The following TEPSIN variants were observed in gnomAD, a reference collection of about 807,000 sequenced individuals.
TEPSIN encodes AP-4 complex accessory subunit tepsin.
In TEPSIN, 50 loss-of-function variants were observed where a neutral mutation model predicts 48.5. That is an observed-to-expected ratio of 1.03 (90% CI 0.82 to 1.31). The LOEUF is 1.31. TEPSIN is among the 50% of genes most tolerant of loss of function. The pLI, the probability that TEPSIN is intolerant of heterozygous loss-of-function variation, is 0.00. For missense variants in TEPSIN, 838 were observed against 815.9 expected, an observed-to-expected ratio of 1.03 and a Z score of -0.33; for synonymous variants, 392 against 358.8, an observed-to-expected ratio of 1.09 and a Z score of -1.05.
Position 81,234,322 on chromosome 17 carries a change from G to A in TEPSIN, c.308-274C>T. ...GTCGGCAACCCCTGGTGCCTGAGCG[G>A]GTGTGGCCTCCCCGAAGCCCACTCT... is the stretch of plus-strand genomic sequence containing the variant. On this transcript the variant is annotated intron_variant, in intron 4 of 12. Coordinates refer to ENST00000637944, the MANE Select transcript of TEPSIN (RefSeq NM_001363764.2). This position sits in a 1 kb window ranked among gnomAD's most constrained non-coding sequence, Gnocchi z 5.4. 1 of 347,856 alleles carries A rather than the reference G, an allele frequency of 2.9e-6. No individual in the cohort carries two copies. Among genetic ancestry groups the A allele is most frequent in the Non-Finnish European group, 5.2e-6 (1 of 193,130 alleles). The allele number at this position is 347,856 out of a possible 1,614,324, so 21.5% of individuals were successfully genotyped here. A position where few individuals can be genotyped will look rare whatever the true frequency, so the allele number is the denominator to read the frequency against.
rs553167923 is a variant in TEPSIN at position 81,232,261 on chromosome 17, G to A, written c.730+54C>T. 3.7e-4 allele frequency: 545 copies of A among 1,461,030 alleles called. 2 individuals carry two copies. In the African/African-American group the frequency reaches 6.6e-3, roughly 18 times the overall value. The allele number at this position is 1,461,030 out of a possible 1,614,324, so 90.5% of individuals were successfully genotyped here. Reference sequence around the variant, plus strand: ...GCCTCCGTGGCCGCAAAGCCCCAGCGGTGACAGGAAGGAGTGACCCAGACC... The same window carrying A: ...GCCTCCGTGGCCGCAAAGCCCCAGCAGTGACAGGAAGGAGTGACCCAGACC... On this transcript the variant is annotated intron_variant, in intron 8 of 12. Transcript: ENST00000637944.
intron 1 of TEPSIN, 178 bp downstream of exon 1, chr17:81,238,808 G>GCCCGGCTTGGAAGT: frequency 1.5e-6 from 2 of 1,329,318 alleles, no homozygotes; most frequent in Non-Finnish European, 1.9e-6. Flanking sequence ...GGCTTGGAAG[G>GCCCGGCTTGGAAGT]CCCCGGGACG....
Position 81,233,502 on chromosome 17 carries a change from G to T in TEPSIN, c.456C>A (p.Gly152=). The T allele has an allele frequency of 6.3e-7, 1 of 1,598,410 alleles. No homozygotes were observed. Among genetic ancestry groups the T allele is most frequent in the Non-Finnish European group, 8.5e-7 (1 of 1,171,706 alleles). Residue 152 remains glycine (G), a splice_region_variant and synonymous_variant, in exon 7 of 13, where the codon GGC becomes GGA. Coordinates refer to ENST00000637944, the MANE Select transcript of TEPSIN (RefSeq NM_001363764.2). The surrounding 1 kb of genome is among the most constrained non-coding windows in gnomAD (Gnocchi z 5.8). The part of the protein sequence containing the change: ...SQPLGTPPAT[G]MGSQARPHST... ...TGTGCGGCCTGGCCTGGGAGCCCAT[G>T]CCTGCAGAGGGTCCTCCGTTAGCAG... is the stretch of plus-strand genomic sequence containing the variant.
rs751228027 is a variant in TEPSIN at position 81,233,479 on chromosome 17, T to C, written c.479A>G (p.His160Arg). The change falls in exon 7 of 13, where the codon CAC (histidine) becomes CGC (arginine). Residue 160 changes from histidine to arginine, a missense_variant. Coordinates refer to ENST00000637944, the MANE Select transcript of TEPSIN (RefSeq NM_001363764.2). The surrounding 1 kb of genome is among the most constrained non-coding windows in gnomAD (Gnocchi z 5.8). ...GTAGCCGAAACCCTGGAGGGTGCTG[T>C]GCGGCCTGGCCTGGGAGCCCATGCC... ...ATGMGSQARPHSTLQGFGYSK... is the reference protein window; with the variant it reads ...ATGMGSQARPRSTLQGFGYSK... The C allele has an allele frequency of 9.9e-6, 16 of 1,608,114 alleles. No individual in the cohort carries two copies. In the African/African-American group the frequency reaches 2.1e-4, roughly 22 times the overall value.
Position 81,237,391 on chromosome 17 carries a change from A to C in TEPSIN, c.117T>G (p.Ile39Met). The C allele has an allele frequency of 6.2e-7, 1 of 1,611,410 alleles. No homozygotes were observed. The highest frequency in any genetic ancestry group is 8.5e-7 in the Non-Finnish European group (1 of 1,179,206). ...GGGGACATCAAGGAAGGATACTAGC[A>C]ATCTCTTCAAACAGGTAGCCCGGAC... ...VPCPGYLFEE[I>M]AKISHESPGS... The change falls in exon 2 of 13, where the codon ATT becomes ATG. Residue 39 changes from isoleucine to methionine, a missense_variant. Transcript: ENST00000637944.
intron 11 of TEPSIN, chr17:81,231,195 G>T (rs142431294): frequency 3.3e-6 from 2 of 600,554 alleles, no homozygotes; most frequent in Non-Finnish European, 5.8e-6. Flanking sequence ...ACACATGCAC[G>T]AGTGTGTACA....
At position 81,231,833 on chromosome 17, in the gene TEPSIN, C is replaced by T; in HGVS notation, c.905+14G>A. 1 of 1,611,858 alleles carries T rather than the reference C, an allele frequency of 6.2e-7. No homozygotes were observed. Among genetic ancestry groups the T allele is most frequent in the Non-Finnish European group, 8.5e-7 (1 of 1,179,498 alleles). On this transcript the variant is annotated intron_variant, in intron 9 of 12. Coordinates refer to ENST00000637944, the MANE Select transcript of TEPSIN (RefSeq NM_001363764.2). Reference sequence around the variant, plus strand: ...TCCGAGACCTCTCCCACATATCTGGCAGCTCCCGCTCACCTTTCTGCCAGG... The same window carrying T: ...TCCGAGACCTCTCCCACATATCTGGTAGCTCCCGCTCACCTTTCTGCCAGG...
At position 81,230,618 on chromosome 17, in the gene TEPSIN, GGAT is replaced by G. The variant is rs1567901075; in HGVS notation, c.1156_1158del (p.Ile386del). On this transcript the variant is annotated inframe_deletion, in exon 12 of 13. Transcript: ENST00000637944. This position sits in a 1 kb window ranked among gnomAD's most constrained non-coding sequence, Gnocchi z 4.2. ...TGCAGCCACGGCCGGGTGCGGAGGA[GGAT>G]GTGCTCCTGGGGGAGGAGGTCGCTG... is the stretch of plus-strand genomic sequence containing the variant. The G allele has an allele frequency of 6.2e-7, 1 of 1,605,542 alleles. No homozygotes were observed. Among genetic ancestry groups the G allele is most frequent in the Non-Finnish European group, 8.5e-7 (1 of 1,175,816 alleles).
chr17:81,238,124 G>T, intron 1 of TEPSIN: 1 of 985,756 alleles, frequency 1.0e-6, no homozygotes, highest in Non-Finnish European at 1.2e-6. Context: ...CCCACCGCGT[G>T]AGGTGCCGAA....
Position 81,233,381 on chromosome 17 carries a change from T to A in TEPSIN, c.526+51A>T, listed in dbSNP as rs1234585502. 1 of 1,593,224 alleles carries A rather than the reference T, an allele frequency of 6.3e-7. No homozygotes were observed. Among genetic ancestry groups the A allele is most frequent in the Middle Eastern group, 2.3e-4 (1 of 4,390 alleles). On this transcript the variant is annotated intron_variant, in intron 7 of 12. Coordinates refer to ENST00000637944, the MANE Select transcript of TEPSIN (RefSeq NM_001363764.2). This position sits in a 1 kb window ranked among gnomAD's most constrained non-coding sequence, Gnocchi z 5.8. The stretch of plus-strand genomic sequence containing the variant: ...GCATGGTCCGGCCCCCACCACCTCC[T>A]CATCCCCACACCCTGAGATGCCAGA...
chr17:81,233,526 A>G lies in TEPSIN; in HGVS notation c.455-23T>C, dbSNP rs116621360. The G allele has an allele frequency of 3.2e-3, 5,046 of 1,576,758 alleles. 160 individuals carry two copies. In the African/African-American group the frequency reaches 0.061, roughly 19 times the overall value. On this transcript the variant is annotated intron_variant, in intron 6 of 12. Coordinates refer to ENST00000637944, the MANE Select transcript of TEPSIN (RefSeq NM_001363764.2). This position sits in a 1 kb window ranked among gnomAD's most constrained non-coding sequence, Gnocchi z 5.8. ...TGCCTGCAGAGGGTCCTCCGTTAGC[A>G]GCAAGCCGGCCCCCACCCTCGGCCC...
chr17:81,237,247 G>T, intron 2 of TEPSIN, 140 bp downstream of exon 2: 1 of 1,227,078 alleles, frequency 8.1e-7, no homozygotes, highest in Non-Finnish European at 1.2e-6. Context: ...GCAGCCTTCA[G>T]ACCCCACCCA....
chr17:81,236,740 T>C lies in TEPSIN; in HGVS notation c.275A>G (p.Lys92Arg). Reference sequence around the variant, plus strand: ...TTCCTGGATGAAGGCAGAGTTGCGTTTGAGGATGAGCAGGAAGAAGGAGGA... The same window carrying C: ...TTCCTGGATGAAGGCAGAGTTGCGTCTGAGGATGAGCAGGAAGAAGGAGGA... ...HGSSFFLLIL[K>R]RNSAFIQEAA... Residue 92 changes from lysine (K) to arginine (R), a missense_variant, in exon 4 of 13, where the codon AAA (lysine) becomes AGA (arginine). Lys to Arg is a conservative substitution (Grantham distance 26). Transcript: ENST00000637944. The C allele has an allele frequency of 6.4e-7, 1 of 1,573,002 alleles. No individual in the cohort carries two copies. The highest frequency in any genetic ancestry group is 8.6e-7 in the Non-Finnish European group (1 of 1,159,816).
Position 81,233,468 on chromosome 17 carries a change from G to C in TEPSIN, c.490C>G (p.Gln164Glu), listed in dbSNP as rs776532605. 1 of 1,610,404 alleles carries C rather than the reference G, an allele frequency of 6.2e-7. No homozygotes were observed. The highest frequency in any genetic ancestry group is 8.5e-7 in the Non-Finnish European group (1 of 1,178,766). Residue 164 changes from glutamine to glutamate, a missense_variant, in exon 7 of 13, where the codon CAG becomes GAG. Gln to Glu is a conservative substitution (Grantham distance 29). Transcript: ENST00000637944. This position sits in a 1 kb window ranked among gnomAD's most constrained non-coding sequence, Gnocchi z 5.8. ...GSQARPHSTLQGFGYSKEHGR... is the reference protein window; with the variant it reads ...GSQARPHSTLEGFGYSKEHGR... ...TGTTCCTTGCTGTAGCCGAAACCCTGGAGGGTGCTGTGCGGCCTGGCCTGG... is the reference window on the plus strand; with the variant it reads ...TGTTCCTTGCTGTAGCCGAAACCCTCGAGGGTGCTGTGCGGCCTGGCCTGG...
In TEPSIN at chr17:81,236,514, C is replaced by T; in HGVS notation, c.307+194G>A. ...GGCGCGTCAGGGGAGGCCGAGCCGG[C>T]CAGCTGGGGTGAGGGTGGGCAGCAG... On this transcript the variant is annotated intron_variant, in intron 4 of 12. Transcript: ENST00000637944. 4.6e-6 allele frequency: 3 copies of T among 650,384 alleles called. No homozygotes were observed. In the Admixed American group the frequency reaches 8.4e-5, roughly 18 times the overall value. The allele number at this position is 650,384 out of a possible 1,614,324, so 40.3% of individuals were successfully genotyped here. A position where few individuals can be genotyped will look rare whatever the true frequency, so the allele number is the denominator to read the frequency against.
Position 81,233,599 on chromosome 17 carries a change from C to G in TEPSIN, c.454+39G>C. 6.3e-7 allele frequency: 1 copy of G among 1,576,100 alleles called. No individual in the cohort carries two copies. The highest frequency in any genetic ancestry group is 8.6e-7 in the Non-Finnish European group (1 of 1,160,318). ...CCAGGACACTCAAGGAGGCAGAAAC[C>G]AGGTGCCAGAGCTGGACACGGTCCC... is the stretch of plus-strand genomic sequence containing the variant. On this transcript the variant is annotated intron_variant, in intron 6 of 12. Transcript: ENST00000637944. This position sits in a 1 kb window ranked among gnomAD's most constrained non-coding sequence, Gnocchi z 5.8.
At chr17:81,231,542 G>A (rs1406820555) in intron 10 of TEPSIN, 36 bp downstream of exon 10, 3 of 1,598,720 alleles carry the variant, frequency 1.9e-6, no homozygotes, top group African/African-American at 1.3e-5. Flanking sequence ...CACGGTTGGG[G>A]CTGAGGCAGA....
In TEPSIN at chr17:81,234,970, C is replaced by T. The variant is rs1456432276; in HGVS notation, c.308-922G>A. ...CAGCACGACCATGAACCACAAATAA[C>T]ATCTCCAACCAGAAACATTCCAAAC... On this transcript the variant is annotated intron_variant, in intron 4 of 12. Transcript: ENST00000637944. This position sits in a 1 kb window ranked among gnomAD's most constrained non-coding sequence, Gnocchi z 5.4. Among the ~76,000 whole-genome samples the T allele has an allele frequency of 6.6e-6, 1 of 152,168 alleles. No individual in the cohort carries two copies. The highest frequency in any genetic ancestry group is 1.5e-5 in the Non-Finnish European group (1 of 68,036).
intron 4 of TEPSIN, among the ~76,000 whole-genome samples, chr17:81,236,400 C>T (rs1374499889): frequency 6.6e-6 from 1 of 152,184 alleles, no homozygotes; most frequent in Admixed American, 6.5e-5. Flanking sequence ...AACAAACTGG[C>T]ACCCGGGGCA....
Sources: allele counts gnomAD v4.1 joint callset (sites outside exome capture counted in the v4.1 genomes callset), GRCh38; gene constraint gnomAD v4.1.1; non-coding constraint Gnocchi (gnomAD v3.1); transcripts MANE v1.5; gene names NCBI Gene and HGNC (gene_info 2026-07-23, HGNC 2026-07-21).